BZW1: variants seen among roughly 807,000 people sequenced by gnomAD.
The protein encoded by BZW1 is eIF5-mimic protein 2.
Under a neutral mutation model 54.1 loss-of-function variants are expected in BZW1, and 3 were observed. That is an observed-to-expected ratio of 0.06 (90% confidence interval 0.03 to 0.14). The LOEUF (loss-of-function observed/expected upper bound fraction) is 0.14. Among genes scored for constraint, BZW1 ranks in the 10% least tolerant of loss-of-function variants. The pLI, the probability that BZW1 is intolerant of heterozygous loss-of-function variation, is 1.00. For synonymous variants in BZW1, 152 were observed against 162.7 expected (o/e 0.93, Z 0.50); for missense variants, 206 against 491.7 (o/e 0.42, Z 5.50).
intron 1 of BZW1, chr2:200,812,563 G>A (rs1575045147): frequency 7.1e-7 from 1 of 1,410,854 alleles, no homozygotes; most frequent in Non-Finnish European, 9.2e-7. Context: ...GGCGGGAAGC[G>A]GGTGATCTGT....
At chr2:200,812,358 C>CACCG in intron 1 of BZW1, 1 of 1,280,838 alleles carries the variant, frequency 7.8e-7, no homozygotes. Context: ...TGCCACCCAC[C>CACCG]ACCGCTGCGG....
At chr2:200,815,575 A>G in intron 3 of BZW1, 58 bp downstream of exon 3, 1 of 1,604,268 alleles carries the variant, frequency 6.2e-7, no homozygotes, top group Non-Finnish European at 8.5e-7. Flanking sequence ...TATGGAGATT[A>G]TGGAGAGTCT....
chr2:200,812,402 G>T, intron 1 of BZW1: 2 of 1,280,766 alleles, frequency 1.6e-6, no homozygotes, highest in Non-Finnish European at 2.0e-6. Context: ...GCTGGAGGGC[G>T]GGCGGATGTA....
intron 9 of BZW1, chr2:200,819,103 A>G (rs1000609594): frequency 1.1e-5 from 7 of 625,154 alleles, no homozygotes; most frequent in South Asian, 5.0e-5. Context: ...AAACAAGAAT[A>G]TGGCCTGGCC....
At chr2:200,821,150 A>C in intron 10 of BZW1, 33 bp from the exon 11 acceptor site, 1 of 1,609,228 alleles carries the variant, frequency 6.2e-7, no homozygotes, top group Non-Finnish European at 8.5e-7. Context: ...GAGTATATTA[A>C]AACTCCCTTA....
chr2:200,817,895 T>C lies in BZW1; in HGVS notation c.539-79T>C, dbSNP rs956974608. On this transcript the variant is annotated intron_variant, in intron 6 of 11. Transcript: ENST00000409600. ...TCAGTAATCCCATGTGATTGAACTA[T>C]GAAGGGAAGGATATAGGGGGACACA... is the stretch of plus-strand genomic sequence containing the variant. The C allele has an allele frequency of 3.0e-5, 30 of 986,246 alleles. No homozygotes were observed. The African/African-American group carries it at 4.4e-4, about 15-fold the overall frequency. 61.1% of individuals were successfully genotyped at this position (986,246 alleles called of 1,614,324 possible).
At chr2:200,819,022 A>C in intron 9 of BZW1, 121 bp downstream of exon 9, 1 of 1,148,676 alleles carries the variant, frequency 8.7e-7, no homozygotes, top group Non-Finnish European at 1.2e-6. Context: ...ATGGCCCACC[A>C]GTAAATAAAC....
Position 200,817,653 on chromosome 2 carries a change from T to A in BZW1, c.539-321T>A, listed in dbSNP as rs201411433. ...AATTTTTTTGAAGCTTTTTTTTTTTTAAAAAACTGCTTGCAGTAGTGAGTA... is the reference window on the plus strand; with the variant it reads ...AATTTTTTTGAAGCTTTTTTTTTTTAAAAAAACTGCTTGCAGTAGTGAGTA... On this transcript the variant is annotated intron_variant, in intron 6 of 11. Transcript: ENST00000409600. 6.1e-3 allele frequency among the ~76,000 whole-genome samples: 777 copies of A among 128,206 alleles called. 6 individuals carry two copies. Among genetic ancestry groups the A allele is most frequent in the East Asian group, 0.018 (86 of 4,698 alleles). The allele number at this position is 128,206 out of a possible 152,430, so 84.1% of individuals were successfully genotyped here.
intron 2 of BZW1, 81 bp downstream of exon 2, chr2:200,813,362 T>C: frequency 1.6e-6 from 2 of 1,258,772 alleles, no homozygotes; most frequent in Non-Finnish European, 1.1e-6. Context: ...GGTACTTGCA[T>C]ATTACTAAAG....
At chr2:200,812,438 A>T in intron 1 of BZW1, 1 of 1,295,370 alleles carries the variant, frequency 7.7e-7, no homozygotes, top group African/African-American at 1.5e-5. Context: ...CCCGGCGCAA[A>T]GCGCCTCAGT....
In BZW1 at chr2:200,826,393, ATAGATAGATAGATATTTTTTTTTTTTTT is replaced by A. The variant is rs2038692529; in HGVS notation, c.*4217_*4244del. 2 of 113,072 alleles carry A rather than the reference ATAGATAGATAGATATTTTTTTTTTTTTT, an allele frequency of 1.8e-5. No individual in the cohort carries two copies. Among genetic ancestry groups the A allele is most frequent in the Non-Finnish European group, 3.6e-5 (2 of 55,282 alleles). The allele number at this position is 113,072 out of a possible 1,614,324, so 7.0% of individuals were successfully genotyped here. On this transcript the variant is annotated 3_prime_UTR_variant, in exon 12 of 12. Transcript: ENST00000409600. ...AAGATATAGATAGATAGATAGATAG[ATAGATAGATAGATATTTTTTTTTTTTTT>A]TTTTTTTTTTTTTTTTTTTTTGAGA...
chr2:200,816,207 T>C (rs1222694641), intron 4 of BZW1, 118 bp from the exon 5 acceptor site: 2 of 602,844 alleles, frequency 3.3e-6, no homozygotes, highest in Non-Finnish European at 5.5e-6. Context: ...TATGTGTCAC[T>C]AGGAATTCTT....
Position 200,826,975 on chromosome 2 carries a change from G to C in BZW1, c.*4797G>C, listed in dbSNP as rs1256722464. The C allele has an allele frequency of 6.6e-6, 1 of 151,732 alleles. No individual in the cohort carries two copies. Among genetic ancestry groups the C allele is most frequent in the Non-Finnish European group, 1.5e-5 (1 of 67,952 alleles). 9.4% of individuals were successfully genotyped at this position (151,732 alleles called of 1,614,324 possible). A position where few individuals can be genotyped will look rare whatever the true frequency, so the allele number is the denominator to read the frequency against. On this transcript the variant is annotated 3_prime_UTR_variant, in exon 12 of 12. Coordinates refer to ENST00000409600, the MANE Select transcript of BZW1 (RefSeq NM_001207067.2). ...TTTAATCTGAAATCCTGAAGGCTAT[G>C]CTTAAAAGTTAGAGATAAACCTGTT...
chr2:200,813,044 A>G, intron 1 of BZW1, 164 bp from the exon 2 acceptor site: 1 of 695,722 alleles, frequency 1.4e-6, no homozygotes, highest in South Asian at 1.5e-5. Flanking sequence ...ATTTGATTCA[A>G]GTGCAGGTAA....
rs2038709270 is a variant in BZW1, at chr2:200,826,585, CT to C, written c.*4408del. Reference sequence around the variant, plus strand: ...ACAGGCGCCCACCAACCAAGCCCGGCTAAGGTATTTTTAAATGTACTCAATC... The same window carrying C: ...ACAGGCGCCCACCAACCAAGCCCGGCAAGGTATTTTTAAATGTACTCAATC... On this transcript the variant is annotated 3_prime_UTR_variant, in exon 12 of 12. Transcript: ENST00000409600. The C allele has an allele frequency of 6.6e-6, 1 of 152,082 alleles. No homozygotes were observed. Among genetic ancestry groups the C allele is most frequent in the Non-Finnish European group, 1.5e-5 (1 of 67,972 alleles). 9.4% of individuals were successfully genotyped at this position (152,082 alleles called of 1,614,324 possible).
chr2:200,821,047 T>A (rs1435564920), intron 10 of BZW1, 136 bp from the exon 11 acceptor site: 2 of 1,059,218 alleles, frequency 1.9e-6, no homozygotes, highest in Non-Finnish European at 2.7e-6. Flanking sequence ...CATGTATTAT[T>A]ATCTTCCATT....
At chr2:200,813,799 T>A (rs1364423464) in intron 2 of BZW1, among the ~76,000 whole-genome samples, 1 of 152,210 alleles carries the variant, frequency 6.6e-6, no homozygotes, top group African/African-American at 2.4e-5. Flanking sequence ...CATTAGTGTG[T>A]ACTTAGGTGA....
At position 200,826,784 on chromosome 2, in the gene BZW1, TTGG is replaced by T. The variant is rs1438320168; in HGVS notation, c.*4611_*4613del. 1 of 152,164 alleles carries T rather than the reference TTGG, an allele frequency of 6.6e-6. No homozygotes were observed. The highest frequency in any genetic ancestry group is 1.5e-5 in the Non-Finnish European group (1 of 68,042). 9.4% of individuals were successfully genotyped at this position (152,164 alleles called of 1,614,324 possible). On this transcript the variant is annotated 3_prime_UTR_variant, in exon 12 of 12. Transcript: ENST00000409600. ...GTTAAACTGTGGTATGATTAGAATG[TTGG>T]TGGTTGTGTAGTGCATTTGGGGTGC...
intron 10 of BZW1, among the ~76,000 whole-genome samples, chr2:200,820,629 C>T (rs1270573247): frequency 6.6e-6 from 1 of 152,164 alleles, no homozygotes; most frequent in African/African-American, 2.4e-5. Context: ...CTGCAGTGAA[C>T]CATGATTGTG....
Sources: gnomAD v4.1 joint callset for allele counts (sites outside exome capture counted in the v4.1 genomes callset) on GRCh38, gnomAD v4.1.1 for gene constraint, MANE v1.5 for transcripts, NCBI Gene and HGNC (gene_info 2026-07-23, HGNC 2026-07-21) for gene names.